ADCY2: variants seen among roughly 807,000 people sequenced by gnomAD.
ADCY2 encodes the protein adenylate cyclase 2.
In ADCY2, 31 loss-of-function variants were observed where a neutral mutation model predicts 125.2. The ratio of observed to expected loss-of-function variants is 0.25; its 90% confidence interval spans 0.19 to 0.33. ADCY2 has a LOEUF of 0.33. ADCY2 is among the 10% of genes least tolerant of loss of function. The probability of loss-of-function intolerance (pLI) is 1.00; values close to 1 mark genes in which losing one functional copy is unlikely to be tolerated. For synonymous variants in ADCY2, 512 were observed against 548.4 expected, an observed-to-expected ratio of 0.93 and a Z score of 0.93; for missense variants, 904 against 1,418.2, an observed-to-expected ratio of 0.64 and a Z score of 5.82.
chr5:7,530,331 T>A (rs2126544760), intron 3 of ADCY2, among the ~76,000 whole-genome samples: 1 of 152,322 alleles, frequency 6.6e-6, no homozygotes. Flanking sequence ...AAAACCCAAA[T>A]GACCTATGAA....
intron 2 of ADCY2, among the ~76,000 whole-genome samples, chr5:7,435,896 T>C (rs1300489084): frequency 6.6e-6 from 1 of 152,216 alleles, no homozygotes; most frequent in East Asian, 1.9e-4. Context: ...AATGGTGGAC[T>C]TCTGTAGAAT....
chr5:7,431,613 T>G (rs767407043), intron 2 of ADCY2, among the ~76,000 whole-genome samples: 1 of 151,932 alleles, frequency 6.6e-6, no homozygotes, highest in East Asian at 1.9e-4. Flanking sequence ...TTCAAGGGCA[T>G]TGTTATGAAA....
At chr5:7,487,527 G>A (rs1181297650) in intron 2 of ADCY2, among the ~76,000 whole-genome samples, 1 of 152,196 alleles carries the variant, frequency 6.6e-6, no homozygotes, top group Non-Finnish European at 1.5e-5. Context: ...GCCACCCAGA[G>A]CCTGACAGAG....
At chr5:7,558,433 T>A (rs1367554874) in intron 3 of ADCY2, among the ~76,000 whole-genome samples, 1 of 152,196 alleles carries the variant, frequency 6.6e-6, no homozygotes, top group South Asian at 2.1e-4. Context: ...TTCTCTAATA[T>A]CAGTGATGTT....
intron 18 of ADCY2, 22 bp from the exon 19 acceptor site, chr5:7,784,343 T>C (rs1560990708): frequency 2.5e-6 from 4 of 1,577,952 alleles, no homozygotes; most frequent in Non-Finnish European, 3.5e-6. Context: ...TGTTGTCTGT[T>C]TGTCTGTCTG....
At chr5:7,491,104 T>C (rs904784582) in intron 2 of ADCY2, among the ~76,000 whole-genome samples, 2 of 152,216 alleles carry the variant, frequency 1.3e-5, no homozygotes, top group East Asian at 1.9e-4. Context: ...ATAAGGGGAA[T>C]GCCTTACTAT....
At chr5:7,439,980 C>T (rs1006965300) in intron 2 of ADCY2, among the ~76,000 whole-genome samples, 2 of 152,026 alleles carry the variant, frequency 1.3e-5, no homozygotes, top group Non-Finnish European at 2.9e-5. Flanking sequence ...TGCGATTGTT[C>T]CAAAGCTGTG....
chr5:7,615,848 A>G (rs1327264606), intron 3 of ADCY2, among the ~76,000 whole-genome samples: 1 of 152,210 alleles, frequency 6.6e-6, no homozygotes, highest in African/African-American at 2.4e-5. Flanking sequence ...TTAAGATGCA[A>G]TGGGATATGT....
intron 14 of ADCY2, among the ~76,000 whole-genome samples, chr5:7,729,657 G>A (rs1006382285): frequency 6.7e-6 from 1 of 150,028 alleles, no homozygotes; most frequent in Non-Finnish European, 1.5e-5. Flanking sequence ...TAAAATAATG[G>A]CTACTCCTTA....
chr5:7,716,257 A>G (rs1741588288), intron 11 of ADCY2, among the ~76,000 whole-genome samples: 2 of 152,196 alleles, frequency 1.3e-5, no homozygotes, highest in Non-Finnish European at 2.9e-5. Context: ...AATACATACA[A>G]TTAAGCTTTG....
At chr5:7,620,926 G>A (rs546635623) in intron 3 of ADCY2, among the ~76,000 whole-genome samples, 4 of 152,180 alleles carry the variant, frequency 2.6e-5, no homozygotes, top group African/African-American at 9.6e-5. Flanking sequence ...TTAAGTGATG[G>A]CATTTCCCTC....
intron 3 of ADCY2, among the ~76,000 whole-genome samples, chr5:7,589,484 A>AAGAAAGAAAGAAAGAAAG (rs1736760185): frequency 3.1e-5 from 2 of 64,178 alleles, no homozygotes; most frequent in African/African-American, 7.1e-5. Flanking sequence ...GAAAGAAAGA[A>AAGAAAGAAAGAAAGAAAG]AGAAAGAAAG....
Position 7,501,651 on chromosome 5 carries a change from C to CT in ADCY2, c.409-19087_409-19086insT, listed in dbSNP as rs1264473792. Among the ~76,000 whole-genome samples, 3 of 100,364 alleles carry CT rather than the reference C, an allele frequency of 3.0e-5. 1 individual carries two copies. The highest frequency in any genetic ancestry group is 3.4e-4 in the East Asian group (1 of 2,968). The allele number at this position is 100,364 out of a possible 152,430, so 65.8% of individuals were successfully genotyped here. A position where few individuals can be genotyped will look rare whatever the true frequency, so the allele number is the denominator to read the frequency against. On this transcript the variant is annotated intron_variant, in intron 2 of 24. Transcript: ENST00000338316. Reference sequence around the variant, plus strand: ...AAAAGAATGAGATTCCCCCCTCCCCCCCCCCCCGCCAGTAACTTCAAGTTA... The same window carrying CT: ...AAAAGAATGAGATTCCCCCCTCCCCCTCCCCCCCGCCAGTAACTTCAAGTTA...
chr5:7,700,897 A>G (rs1741057022), intron 7 of ADCY2, among the ~76,000 whole-genome samples: 1 of 152,010 alleles, frequency 6.6e-6, no homozygotes, highest in South Asian at 2.1e-4. Context: ...AAGAGTGGTT[A>G]GTGTGAACTC....
At chr5:7,516,285 G>A (rs1449855636) in intron 2 of ADCY2, among the ~76,000 whole-genome samples, 1 of 152,168 alleles carries the variant, frequency 6.6e-6, no homozygotes, top group African/African-American at 2.4e-5. Context: ...TTGAAAAAAT[G>A]CAAATTGCAG....
At chr5:7,513,106 C>CACACACACACACACACACACACACAG (rs777343291) in intron 2 of ADCY2, among the ~76,000 whole-genome samples, 69 of 138,534 alleles carry the variant, frequency 5.0e-4, no homozygotes, top group Non-Finnish European at 8.5e-4. Context: ...CACACACACA[C>CACACACACACACACACACACACACAG]AGAGAGAGAG....
chr5:7,749,679 T>C (rs1362295368), intron 15 of ADCY2: 1 of 152,184 alleles, frequency 6.6e-6, no homozygotes, highest in Non-Finnish European at 1.5e-5. Context: ...ACGCATATGC[T>C]GGATACGGCA....
At chr5:7,511,043 C>A (rs930775207) in intron 2 of ADCY2, among the ~76,000 whole-genome samples, 5 of 152,120 alleles carry the variant, frequency 3.3e-5, no homozygotes, top group African/African-American at 1.2e-4. Flanking sequence ...TTGGGGCTTC[C>A]CTACTCATAA....
intron 3 of ADCY2, among the ~76,000 whole-genome samples, chr5:7,614,962 G>A (rs140136341): frequency 3.3e-5 from 5 of 152,246 alleles, no homozygotes; most frequent in African/African-American, 7.2e-5. Flanking sequence ...TAATTGACTC[G>A]CCATTCTGCA....
Sources: gnomAD v4.1 joint callset for allele counts (sites outside exome capture counted in the v4.1 genomes callset) on GRCh38, gnomAD v4.1.1 for gene constraint, MANE v1.5 for transcripts, NCBI Gene and HGNC (gene_info 2026-07-23, HGNC 2026-07-21) for gene names.